FER: variants seen among roughly 807,000 people sequenced by gnomAD.
FER encodes tyrosine-protein kinase Fer.
In FER, 63 loss-of-function variants were observed where a neutral mutation model predicts 111.0. The observed-to-expected ratio is 0.57, with a 90% CI of 0.46 to 0.70. FER has a LOEUF of 0.70. Among genes scored for constraint, FER ranks in the 30% least tolerant of loss-of-function variants. The probability of loss-of-function intolerance (pLI) is 0.00; values close to 1 mark genes in which losing one functional copy is unlikely to be tolerated. For missense variants in FER, 914 were observed against 954.0 expected (o/e 0.96, Z 0.55); for synonymous variants, 327 against 313.9 (o/e 1.04, Z -0.44).
intron 17 of FER, among the ~76,000 whole-genome samples, chr5:109,153,575 C>T (rs1251279132): frequency 1.3e-5 from 2 of 151,858 alleles, no homozygotes; most frequent in Admixed American, 1.3e-4. Flanking sequence ...ACCAGAATCA[C>T]TTCTTAATAC....
intron 13 of FER, among the ~76,000 whole-genome samples, chr5:108,992,496 G>T (rs1334928224): frequency 4.6e-5 from 7 of 151,144 alleles, no homozygotes; most frequent in Admixed American, 2.6e-4. Context: ...TGGCTGGCCG[G>T]GCGGGGGGCT....
intron 13 of FER, among the ~76,000 whole-genome samples, chr5:109,022,308 G>A (rs1768039585): frequency 2.0e-5 from 3 of 152,062 alleles, no homozygotes; most frequent in Admixed American, 6.6e-5. Context: ...ACACATGGAT[G>A]CAGCTTGGAA....
intron 17 of FER, among the ~76,000 whole-genome samples, chr5:109,146,288 A>ATATATATATATATATATATC (rs1554148405): frequency 8.7e-6 from 1 of 115,418 alleles, no homozygotes; most frequent in South Asian, 2.5e-4. Flanking sequence ...ATATATATAT[A>ATATATATATATATATATATC]TATCTTGGGT....
intron 9 of FER, among the ~76,000 whole-genome samples, chr5:108,891,183 G>C (rs1278796130): frequency 2.6e-5 from 4 of 152,036 alleles, no homozygotes; most frequent in Non-Finnish European, 5.9e-5. Flanking sequence ...CTGTTTTCGT[G>C]AAATACCTGT....
At chr5:109,124,300 T>C (rs1196170188) in intron 17 of FER, among the ~76,000 whole-genome samples, 1 of 152,202 alleles carries the variant, frequency 6.6e-6, no homozygotes, top group Non-Finnish European at 1.5e-5. Flanking sequence ...AATAAGCAAT[T>C]GGAAGGAAGG....
chr5:108,769,450 A>G (rs1752661909), intron 2 of FER, among the ~76,000 whole-genome samples: 1 of 152,150 alleles, frequency 6.6e-6, no homozygotes, highest in African/African-American at 2.4e-5. Context: ...AAGAGATTAT[A>G]GAAATATTTA....
intron 1 of FER, among the ~76,000 whole-genome samples, chr5:108,766,158 C>T (rs1471650142): frequency 6.6e-6 from 1 of 152,128 alleles, no homozygotes. Flanking sequence ...TTTGGAACTC[C>T]TGGACTCAAG....
chr5:108,871,622 ATAT>A, intron 7 of FER, 120 bp downstream of exon 7: 1 of 651,072 alleles, frequency 1.5e-6, no homozygotes, highest in Non-Finnish European at 2.3e-6. Context: ...AGAATATTTC[ATAT>A]TAATTTATCT....
intron 13 of FER, among the ~76,000 whole-genome samples, chr5:108,993,605 G>A (rs138762086): frequency 0.089 from 10,130 of 113,406 alleles, 410 homozygotes; most frequent in Middle Eastern, 0.2. Context: ...GGGCGAGGGC[G>A]AGGGAGAGGG....
intron 10 of FER, among the ~76,000 whole-genome samples, chr5:108,914,001 G>A (rs1398971056): frequency 1.3e-5 from 2 of 152,182 alleles, no homozygotes; most frequent in African/African-American, 2.4e-5. Flanking sequence ...TAGGGTGGGT[G>A]TAGTGACTGA....
chr5:109,183,154 TC>T (rs1312648715), intron 18 of FER, among the ~76,000 whole-genome samples: 1 of 152,056 alleles, frequency 6.6e-6, no homozygotes, highest in Non-Finnish European at 1.5e-5. Flanking sequence ...ATGAGAGAGT[TC>T]CTGAAAGACT....
At position 108,878,265 on chromosome 5, in the gene FER, A is replaced by G. The variant is rs1263604105; in HGVS notation, c.924-5131A>G. ...AAAATTATCTAACTAAAGCATGCAG[A>G]TGATAAAATCTATAAAATCTTACAA... is the stretch of plus-strand genomic sequence containing the variant. On this transcript the variant is annotated intron_variant, in intron 8 of 19. Coordinates refer to ENST00000281092, the MANE Select transcript of FER (RefSeq NM_005246.4). 2.0e-5 allele frequency among the ~76,000 whole-genome samples: 3 copies of G among 152,318 alleles called. No homozygotes were observed. The East Asian group carries it at 5.8e-4, about 29-fold the overall frequency.
intron 16 of FER, among the ~76,000 whole-genome samples, chr5:109,093,933 A>G (rs938501380): frequency 6.6e-6 from 1 of 152,066 alleles, no homozygotes; most frequent in South Asian, 2.1e-4. Flanking sequence ...TTGCTTTTAC[A>G]CTGTCTATCA....
intron 16 of FER, among the ~76,000 whole-genome samples, chr5:109,053,926 C>T (rs1168152516): frequency 9.9e-5 from 15 of 152,068 alleles, no homozygotes; most frequent in South Asian, 6.2e-4. Flanking sequence ...CTCCTGACCT[C>T]GTGATCCGCC....
intron 13 of FER, among the ~76,000 whole-genome samples, chr5:108,978,846 C>A (rs1281478758): frequency 6.6e-6 from 1 of 151,998 alleles, no homozygotes; most frequent in African/African-American, 2.4e-5. Flanking sequence ...CACTTACATC[C>A]CTTAGATTAT....
chr5:109,090,952 C>T (rs1207963019), intron 16 of FER, among the ~76,000 whole-genome samples: 1 of 152,074 alleles, frequency 6.6e-6, no homozygotes, highest in African/African-American at 2.4e-5. Flanking sequence ...CTCTTGAATG[C>T]TTCTAGGAAA....
chr5:108,985,595 C>T (rs1318438726), intron 13 of FER, among the ~76,000 whole-genome samples: 2 of 152,092 alleles, frequency 1.3e-5, no homozygotes, highest in African/African-American at 4.8e-5. Flanking sequence ...TCCCTCCCAC[C>T]ATTTCCCACG....
At chr5:109,076,989 C>A (rs1015543613) in intron 16 of FER, among the ~76,000 whole-genome samples, 1 of 152,204 alleles carries the variant, frequency 6.6e-6, no homozygotes, top group Admixed American at 6.5e-5. Context: ...TTATTTATCA[C>A]AGAGAGCCTC....
At chr5:108,948,332 A>G (rs905847428) in intron 11 of FER, among the ~76,000 whole-genome samples, 1 of 152,090 alleles carries the variant, frequency 6.6e-6, no homozygotes, top group African/African-American at 2.4e-5. Flanking sequence ...TTTCATCTGA[A>G]TATTGTATTT....
Sources: allele counts gnomAD v4.1 joint callset (sites outside exome capture counted in the v4.1 genomes callset), GRCh38; gene constraint gnomAD v4.1.1; transcripts MANE v1.5; gene names NCBI Gene and HGNC (gene_info 2026-07-23, HGNC 2026-07-21).